RIMBP2: variants seen among roughly 807,000 people sequenced by gnomAD.
RIMBP2 encodes the protein RIMS binding protein 2.
In RIMBP2, 48 loss-of-function variants were observed where a neutral mutation model predicts 118.6. The ratio of observed to expected loss-of-function variants is 0.40; its 90% CI spans 0.32 to 0.51. The LOEUF (loss-of-function observed/expected upper bound fraction) is 0.51. Ranked by LOEUF, RIMBP2 falls within the 20% of genes least tolerant of loss-of-function variation. RIMBP2 has a pLI of 0.41. For missense variants in RIMBP2, 1,551 were observed against 1,768.3 expected (o/e 0.88, Z 2.20); for synonymous variants, 762 against 742.9 (o/e 1.03, Z -0.42).
intron 2 of RIMBP2, among the ~76,000 whole-genome samples, chr12:130,588,883 G>A (rs1463057867): frequency 1.3e-5 from 2 of 152,210 alleles, no homozygotes; most frequent in Non-Finnish European, 2.9e-5. Flanking sequence ...TTAAACTGGT[G>A]TCCTGAACAT....
Position 130,475,354 on chromosome 12 carries a change from C to CA in RIMBP2, c.102+3557dup, listed in dbSNP as rs2081342533. 6.6e-6 allele frequency among the ~76,000 whole-genome samples: 1 copy of CA among 152,210 alleles called. No individual in the cohort carries two copies. Among genetic ancestry groups the CA allele is most frequent in the Non-Finnish European group, 1.5e-5 (1 of 68,050 alleles). Reference sequence around the variant, plus strand: ...CCCTGATATTAGACGCCTGAATGTCCAGCACCCTCTCAAGGGTGGTCAGGT... The same window carrying CA: ...CCCTGATATTAGACGCCTGAATGTCCAAGCACCCTCTCAAGGGTGGTCAGGT... On this transcript the variant is annotated intron_variant, in intron 5 of 22. Coordinates refer to ENST00000690449, the MANE Select transcript of RIMBP2 (RefSeq NM_001393629.1). This position sits in a 1 kb window ranked among gnomAD's most constrained non-coding sequence, Gnocchi z 4.1.
intron 3 of RIMBP2, among the ~76,000 whole-genome samples, chr12:130,513,424 G>A (rs2051121657): frequency 6.6e-6 from 1 of 152,188 alleles, no homozygotes; most frequent in South Asian, 2.1e-4. Context: ...CCAGGTGGAA[G>A]AGAAGCTTGG....
chr12:130,514,570 C>T lies in RIMBP2; in HGVS notation c.-127+3258G>A, dbSNP rs184818724. Among the ~76,000 whole-genome samples, 728 of 152,274 alleles carry T rather than the reference C, an allele frequency of 4.8e-3. 10 individuals carry two copies. Among genetic ancestry groups the T allele is most frequent in the African/African-American group, 0.016 (685 of 41,554 alleles). On this transcript the variant is annotated intron_variant, in intron 3 of 22. Coordinates refer to ENST00000690449, the MANE Select transcript of RIMBP2 (RefSeq NM_001393629.1). ...GCAGGAGCCCAGCTCAGGAGTGGAA[C>T]GTGTACACATGCAGCTATTTTAGTC...
At chr12:130,602,452 G>C (rs1278008355) in intron 2 of RIMBP2, among the ~76,000 whole-genome samples, 1 of 152,196 alleles carries the variant, frequency 6.6e-6, no homozygotes, top group Non-Finnish European at 1.5e-5. Context: ...ATTTGGGGGA[G>C]GTTTCTTGCA....
intron 2 of RIMBP2, among the ~76,000 whole-genome samples, chr12:130,575,572 T>G (rs1380430149): frequency 6.6e-6 from 1 of 152,216 alleles, no homozygotes; most frequent in Non-Finnish European, 1.5e-5. Context: ...CCTGCAACTG[T>G]CGGGCCCTGT....
intron 6 of RIMBP2, 82 bp from the exon 7 acceptor site, chr12:130,456,782 C>CGTGTGCACATGTGCACT (rs547387504): frequency 9.2e-7 from 1 of 1,092,716 alleles, no homozygotes; most frequent in Non-Finnish European, 1.3e-6. Flanking sequence ...ATGTGTTGTA[C>CGTGTGCACATGTGCACT]GTGTGCACAT....
intron 12 of RIMBP2, 32 bp downstream of exon 12, chr12:130,438,333 A>AATACC: frequency 7.0e-7 from 1 of 1,434,710 alleles, no homozygotes; most frequent in Non-Finnish European, 9.8e-7. Context: ...AGGGCCTAAC[A>AATACC]AACCCTCCCC....
chr12:130,530,593 C>A lies in RIMBP2; in HGVS notation c.-216-12676G>T, dbSNP rs146651217. 3.4e-4 allele frequency among the ~76,000 whole-genome samples: 52 copies of A among 152,326 alleles called. No individual in the cohort carries two copies. The East Asian group carries it at 9.6e-3, about 28-fold the overall frequency. The stretch of plus-strand genomic sequence containing the variant: ...TACATTTATGCTCTGAGCTTGCCAG[C>A]TGCTAGTGCCTGAGGGAAAACCTAT... On this transcript the variant is annotated intron_variant, in intron 2 of 22. Coordinates refer to ENST00000690449, the MANE Select transcript of RIMBP2 (RefSeq NM_001393629.1).
At chr12:130,550,967 G>A (rs1211573655) in intron 2 of RIMBP2, among the ~76,000 whole-genome samples, 2 of 152,230 alleles carry the variant, frequency 1.3e-5, no homozygotes, top group Admixed American at 6.5e-5. Flanking sequence ...GCAAGCACCT[G>A]TGTGTCTAAA....
intron 14 of RIMBP2, among the ~76,000 whole-genome samples, chr12:130,432,953 C>T (rs565113109): frequency 6.6e-6 from 1 of 152,264 alleles, no homozygotes; most frequent in East Asian, 1.9e-4. Context: ...TGAGATGGCC[C>T]CTAAGGTTAG....
chr12:130,645,739 C>T (rs986992165), intron 1 of RIMBP2, among the ~76,000 whole-genome samples: 5 of 152,224 alleles, frequency 3.3e-5, no homozygotes, highest in Admixed American at 3.3e-4. Context: ...CGTGCCTGAT[C>T]TCTTCCTTAT....
chr12:130,521,832 T>C (rs1393607860), intron 2 of RIMBP2, among the ~76,000 whole-genome samples: 3 of 152,244 alleles, frequency 2.0e-5, no homozygotes, highest in Non-Finnish European at 1.5e-5. Flanking sequence ...TAATGGCTTT[T>C]TTTCCAGGGA....
intron 2 of RIMBP2, among the ~76,000 whole-genome samples, chr12:130,580,072 C>G (rs1442910301): frequency 2.7e-5 from 4 of 149,940 alleles, no homozygotes; most frequent in Non-Finnish European, 5.9e-5. Flanking sequence ...GTGGCAGGTG[C>G]CTGTAATCCC....
chr12:130,566,685 C>A (rs575008784), intron 2 of RIMBP2, among the ~76,000 whole-genome samples: 72 of 152,368 alleles, frequency 4.7e-4, no homozygotes, highest in African/African-American at 1.6e-3. Context: ...GACAGCTTGA[C>A]TGCACATCTC....
chr12:130,571,659 T>C (rs1020341246), intron 2 of RIMBP2, among the ~76,000 whole-genome samples: 1 of 152,070 alleles, frequency 6.6e-6, no homozygotes, highest in Non-Finnish European at 1.5e-5. Context: ...AGTAACCTCT[T>C]AATGCTCAGA....
In RIMBP2 at chr12:130,688,274, A is replaced by T. The variant is rs1488858218; in HGVS notation, c.-352+27948T>A. 6.6e-6 allele frequency among the ~76,000 whole-genome samples: 1 copy of T among 152,074 alleles called. No individual in the cohort carries two copies. The highest frequency in any genetic ancestry group is 2.4e-5 in the African/African-American group (1 of 41,410). On this transcript the variant is annotated intron_variant, in intron 1 of 22. Coordinates refer to ENST00000690449, the MANE Select transcript of RIMBP2 (RefSeq NM_001393629.1). This position sits in a 1 kb window ranked among gnomAD's most constrained non-coding sequence, Gnocchi z 4.7. The stretch of plus-strand genomic sequence containing the variant: ...CAGCTCTGCACCATGGGCACCCGGC[A>T]GACCCTCCTGCTGTTTCTGAACTCC...
intron 7 of RIMBP2, among the ~76,000 whole-genome samples, chr12:130,452,665 G>A (rs1259727043): frequency 6.6e-6 from 1 of 152,158 alleles, no homozygotes; most frequent in Non-Finnish European, 1.5e-5. Flanking sequence ...TCCACTTGTG[G>A]GCAAAAGCCA....
At chr12:130,587,735 C>T (rs1367592933) in intron 2 of RIMBP2, among the ~76,000 whole-genome samples, 6 of 125,762 alleles carry the variant, frequency 4.8e-5, no homozygotes, top group African/African-American at 1.5e-4. Context: ...TGCTAGATGA[C>T]GAGTTAGTGG....
intron 2 of RIMBP2, among the ~76,000 whole-genome samples, chr12:130,561,177 C>T (rs1179075574): frequency 6.6e-6 from 1 of 152,178 alleles, no homozygotes; most frequent in Non-Finnish European, 1.5e-5. Context: ...TTAGAAAAAG[C>T]CAACCCTGCC....
Sources: gnomAD v4.1 joint callset for allele counts (sites outside exome capture counted in the v4.1 genomes callset) on GRCh38, gnomAD v4.1.1 for gene constraint, Gnocchi (gnomAD v3.1) non-coding constraint, MANE v1.5 for transcripts, NCBI Gene and HGNC (gene_info 2026-07-23, HGNC 2026-07-21) for gene names.